The following LRRC8B variants were observed in gnomAD, a reference collection of about 807,000 sequenced individuals.
The protein encoded by LRRC8B is leucine rich repeat containing 8 VRAC subunit B, also known as volume-regulated anion channel subunit LRRC8B.
A neutral mutation model predicts 58.8 loss-of-function variants in LRRC8B; 23 were observed. The observed-to-expected ratio is 0.39, with a 90% CI of 0.28 to 0.55. The LOEUF is 0.55. LRRC8B is among the 20% of genes least tolerant of loss of function. The pLI is 0.62. For synonymous variants in LRRC8B, 359 were observed against 374.1 expected (o/e 0.96, Z 0.47); for missense variants, 694 against 936.0 (o/e 0.74, Z 3.37).
chr1:89,553,346 G>A (rs1367655351), intron 1 of LRRC8B, among the ~76,000 whole-genome samples: 1 of 152,152 alleles, frequency 6.6e-6, no homozygotes, highest in Non-Finnish European at 1.5e-5. Flanking sequence ...TGATTGCATG[G>A]TGAGTGTCAT....
chr1:89,557,828 A>C (rs1180991976), intron 1 of LRRC8B, among the ~76,000 whole-genome samples: 1 of 152,222 alleles, frequency 6.6e-6, no homozygotes, highest in Admixed American at 6.5e-5. Flanking sequence ...CATTGAAATT[A>C]GGAAATTTAT....
chr1:89,584,900 A>T lies in LRRC8B; in HGVS notation c.2139+111A>T, dbSNP rs563592715. 505 of 732,708 alleles carry T rather than the reference A, an allele frequency of 6.9e-4. 1 individual carries two copies. The highest frequency in any genetic ancestry group is 9.3e-4 in the Non-Finnish European group (424 of 455,128). 45.4% of individuals were successfully genotyped at this position (732,708 alleles called of 1,614,324 possible). A position where few individuals can be genotyped will look rare whatever the true frequency, so the allele number is the denominator to read the frequency against. On this transcript the variant is annotated intron_variant, in intron 5 of 5. Transcript: ENST00000330947. ...ACTGTGTGTTCTCAAGCCAAGCCCA[A>T]TCCGATCTTGCATAAATTACCAAAA...
intron 1 of LRRC8B, among the ~76,000 whole-genome samples, chr1:89,547,729 G>A (rs1366735897): frequency 6.7e-6 from 1 of 148,294 alleles, no homozygotes; most frequent in Non-Finnish European, 1.5e-5. Context: ...ACCATGTGCA[G>A]TTTATCATGC....
At chr1:89,574,728 G>T (rs12739453) in intron 3 of LRRC8B, among the ~76,000 whole-genome samples, 1 of 151,802 alleles carries the variant, frequency 6.6e-6, no homozygotes, top group African/African-American at 2.4e-5. Flanking sequence ...TTGTAAATCC[G>T]ACTGTTTCTC....
chr1:89,527,447 A>C (rs949874008), intron 1 of LRRC8B, among the ~76,000 whole-genome samples: 1 of 152,252 alleles, frequency 6.6e-6, no homozygotes, highest in East Asian at 1.9e-4. Flanking sequence ...TGCATGGAGC[A>C]GGTTCTCCAC....
intron 5 of LRRC8B, among the ~76,000 whole-genome samples, chr1:89,592,256 T>C (rs1354344518): frequency 1.3e-5 from 2 of 152,176 alleles, no homozygotes; most frequent in African/African-American, 2.4e-5. Flanking sequence ...TATATAATCA[T>C]ATTTTTTTGC....
chr1:89,579,148 C>A (rs1238926826), intron 3 of LRRC8B, among the ~76,000 whole-genome samples: 1 of 152,106 alleles, frequency 6.6e-6, no homozygotes, highest in Non-Finnish European at 1.5e-5. Context: ...CAAATAAGAA[C>A]GACTGTGTTT....
At chr1:89,560,228 C>T (rs945283375) in intron 1 of LRRC8B, among the ~76,000 whole-genome samples, 4 of 152,108 alleles carry the variant, frequency 2.6e-5, no homozygotes, top group Non-Finnish European at 5.9e-5. Context: ...GTTGATCCTT[C>T]CCTATATCTC....
chr1:89,576,956 A>G (rs1653898048), intron 3 of LRRC8B, among the ~76,000 whole-genome samples: 1 of 151,512 alleles, frequency 6.6e-6, no homozygotes, highest in African/African-American at 2.4e-5. Flanking sequence ...AATCAGAGAT[A>G]CTGATGCATT....
At chr1:89,539,881 A>T (rs1391907297) in intron 1 of LRRC8B, among the ~76,000 whole-genome samples, 1 of 152,218 alleles carries the variant, frequency 6.6e-6, no homozygotes, top group African/African-American at 2.4e-5. Flanking sequence ...GGGCCATTGA[A>T]CTTTTAAAAA....
At position 89,539,902 on chromosome 1, in the gene LRRC8B, A is replaced by G. The variant is rs997872483; in HGVS notation, c.-241+14880A>G. Reference sequence around the variant, plus strand: ...TTGAACTTTTAAAAATAAGTAGTTGAACAGCTAATGCATGCTTATTTTGTG... The same window carrying G: ...TTGAACTTTTAAAAATAAGTAGTTGGACAGCTAATGCATGCTTATTTTGTG... On this transcript the variant is annotated intron_variant, in intron 1 of 5. Coordinates refer to ENST00000330947, the MANE Select transcript of LRRC8B (RefSeq NM_001369817.2). 2.0e-5 allele frequency among the ~76,000 whole-genome samples: 3 copies of G among 152,310 alleles called. No individual in the cohort carries two copies. The East Asian group carries it at 5.8e-4, about 29-fold the overall frequency.
At chr1:89,561,739 T>A (rs1652671381) in intron 1 of LRRC8B, among the ~76,000 whole-genome samples, 1 of 138,780 alleles carries the variant, frequency 7.2e-6, no homozygotes, top group Middle Eastern at 3.5e-3. Flanking sequence ...TCTGTTCCAT[T>A]GATCTATATC....
intron 1 of LRRC8B, among the ~76,000 whole-genome samples, chr1:89,543,833 G>C (rs1431898419): frequency 1.3e-5 from 2 of 151,552 alleles, no homozygotes; most frequent in Non-Finnish European, 2.9e-5. Flanking sequence ...TGTTGCCCAG[G>C]CTGGAGTCCA....
rs1261196406 is a variant in LRRC8B, at chr1:89,597,092, A to C, written c.*4049A>C. The C allele has an allele frequency of 6.6e-6, 1 of 152,162 alleles. No homozygotes were observed. The allele number at this position is 152,162 out of a possible 1,614,324, so 9.4% of individuals were successfully genotyped here. On this transcript the variant is annotated 3_prime_UTR_variant, in exon 6 of 6. Transcript: ENST00000330947. ...GATATAATTATTTCTTTTCAGCTGG[A>C]TGTGAAAAGCTGAAGCAGTGAAAAC... is the stretch of plus-strand genomic sequence containing the variant.
intron 1 of LRRC8B, among the ~76,000 whole-genome samples, chr1:89,540,447 G>A (rs1339792433): frequency 6.6e-6 from 1 of 152,160 alleles, no homozygotes; most frequent in Non-Finnish European, 1.5e-5. Flanking sequence ...ACAGTGATGT[G>A]AAAATATGTC....
chr1:89,544,434 A>G (rs1651250843), intron 1 of LRRC8B, among the ~76,000 whole-genome samples: 1 of 152,210 alleles, frequency 6.6e-6, no homozygotes, highest in Non-Finnish European at 1.5e-5. Flanking sequence ...ATTTGGATTT[A>G]CCAGGCTCAG....
chr1:89,528,110 A>T (rs1649836375), intron 1 of LRRC8B, among the ~76,000 whole-genome samples: 1 of 152,016 alleles, frequency 6.6e-6, no homozygotes, highest in African/African-American at 2.4e-5. Context: ...TGCTTTTTTT[A>T]AATTTCAGAA....
chr1:89,573,957 G>T (rs1253474780), intron 3 of LRRC8B, among the ~76,000 whole-genome samples: 1 of 152,210 alleles, frequency 6.6e-6, no homozygotes, highest in East Asian at 1.9e-4. Context: ...AATAGAATGT[G>T]GCAGAAATGG....
chr1:89,562,620 G>A lies in LRRC8B; in HGVS notation c.-240-5627G>A, dbSNP rs377734645. On this transcript the variant is annotated intron_variant, in intron 1 of 5. Coordinates refer to ENST00000330947, the MANE Select transcript of LRRC8B (RefSeq NM_001369817.2). ...TGAGTAGCTGGGAGTACAGGCAGGC[G>A]CCACTATGCCCAGCTAATTTTTAAA... Among the ~76,000 whole-genome samples the A allele has an allele frequency of 5.3e-5, 8 of 151,958 alleles. No homozygotes were observed. In the East Asian group the frequency reaches 9.6e-4, roughly 18 times the overall value.
Sources: gnomAD v4.1 joint callset for allele counts (sites outside exome capture counted in the v4.1 genomes callset) on GRCh38, gnomAD v4.1.1 for gene constraint, MANE v1.5 for transcripts, NCBI Gene and HGNC (gene_info 2026-07-23, HGNC 2026-07-21) for gene names.